OSBPL10: variants seen among roughly 807,000 people sequenced by gnomAD.
The protein encoded by OSBPL10 is oxysterol-binding protein-related protein 10.
OSBPL10 carries 49 observed loss-of-function variants against 81.7 expected under a neutral mutation model. The observed-to-expected ratio is 0.60, with a 90% confidence interval of 0.48 to 0.76. The LOEUF is 0.76. OSBPL10 is among the 30% of genes least tolerant of loss of function. The pLI, the probability that OSBPL10 is intolerant of heterozygous loss-of-function variation, is 0.00. For synonymous variants in OSBPL10, 419 were observed against 383.6 expected (o/e 1.09, Z -1.08); for missense variants, 923 against 987.8 (o/e 0.93, Z 0.88).
At position 32,062,532 on chromosome 3, in the gene OSBPL10, T is replaced by C. The variant is rs1437327699; in HGVS notation, n.185+14864A>G. Reference sequence around the variant, plus strand: ...CACAATCTCTGATGTTTGTTTAATATAAGCTATCTTTACGATTTAGAAAGT... The same window carrying C: ...CACAATCTCTGATGTTTGTTTAATACAAGCTATCTTTACGATTTAGAAAGT... On this transcript the variant is annotated intron_variant and non_coding_transcript_variant, in intron 1 of 3. Transcript: ENST00000479173. 2.1e-5 allele frequency among the ~76,000 whole-genome samples: 2 copies of C among 95,090 alleles called. 1 individual carries two copies. Among genetic ancestry groups the C allele is most frequent in the Non-Finnish European group, 5.7e-5 (2 of 35,242 alleles). 62.4% of individuals were successfully genotyped at this position (95,090 alleles called of 152,430 possible).
intron 4 of OSBPL10, among the ~76,000 whole-genome samples, chr3:31,750,006 C>T (rs1310704875): frequency 1.3e-5 from 2 of 151,736 alleles, no homozygotes; most frequent in Non-Finnish European, 2.9e-5. Context: ...TGTGGTGAAA[C>T]CCCATCTCTA....
chr3:31,750,751 G>A (rs1697687547), intron 4 of OSBPL10, among the ~76,000 whole-genome samples: 2 of 151,992 alleles, frequency 1.3e-5, no homozygotes, highest in East Asian at 3.9e-4. Context: ...TATTATGAAT[G>A]ATGCCATAAT....
intron 1 of OSBPL10, among the ~76,000 whole-genome samples, chr3:31,888,158 A>G (rs369161030): frequency 6.6e-6 from 1 of 152,264 alleles, no homozygotes; most frequent in East Asian, 1.9e-4. Flanking sequence ...TAGAGAACTC[A>G]GAAATTAATT....
At chr3:32,001,321 G>T (rs575697717) in intron 2 of OSBPL10, among the ~76,000 whole-genome samples, 7 of 152,262 alleles carry the variant, frequency 4.6e-5, no homozygotes, top group African/African-American at 1.7e-4. Context: ...AACCCCTACA[G>T]TCTTGCTGAT....
chr3:31,835,359 T>A (rs917442673), intron 3 of OSBPL10, among the ~76,000 whole-genome samples: 13 of 148,538 alleles, frequency 8.8e-5, no homozygotes, highest in African/African-American at 2.9e-4. Context: ...TAAACAAAGT[T>A]CCAAATAGAA....
At chr3:32,025,249 T>C (rs1258726103) in intron 2 of OSBPL10, among the ~76,000 whole-genome samples, 1 of 152,222 alleles carries the variant, frequency 6.6e-6, no homozygotes, top group Non-Finnish European at 1.5e-5. Context: ...GTGAAGATGA[T>C]CATATCAGTT....
rs773211510 is a variant in OSBPL10, at chr3:31,662,043, A to G, written c.*29T>C. 8 of 1,612,790 alleles carry G rather than the reference A, an allele frequency of 5.0e-6. No homozygotes were observed. Among genetic ancestry groups the G allele is most frequent in the East Asian group, 2.2e-5 (1 of 44,840 alleles). On this transcript the variant is annotated 3_prime_UTR_variant, in exon 12 of 12. Transcript: ENST00000396556. Reference sequence around the variant, plus strand: ...TTAATATTCCTACAAAAACAGGGCTATACTGGAAAGCTCTGCACCTCCACC... The same window carrying G: ...TTAATATTCCTACAAAAACAGGGCTGTACTGGAAAGCTCTGCACCTCCACC...
intron 1 of OSBPL10, among the ~76,000 whole-genome samples, chr3:32,055,805 C>T (rs1467008793): frequency 6.6e-6 from 1 of 152,184 alleles, no homozygotes; most frequent in African/African-American, 2.4e-5. Context: ...GGTCCCTAAT[C>T]TGTGGTAAGT....
At chr3:32,073,526 C>T (rs1409180502) in intron 1 of OSBPL10, among the ~76,000 whole-genome samples, 1 of 152,106 alleles carries the variant, frequency 6.6e-6, no homozygotes, top group East Asian at 1.9e-4. Context: ...AAGTACTCTC[C>T]CCTACTTCCC....
intron 2 of OSBPL10, among the ~76,000 whole-genome samples, chr3:31,995,886 A>C (rs1699086460): frequency 6.6e-6 from 1 of 152,178 alleles, no homozygotes; most frequent in African/African-American, 2.4e-5. Flanking sequence ...ATGCAGTGCA[A>C]AGCCGCTGTT....
intron 4 of OSBPL10, among the ~76,000 whole-genome samples, chr3:31,762,491 G>A (rs1052179832): frequency 2.1e-4 from 32 of 151,792 alleles, no homozygotes; most frequent in African/African-American, 7.3e-4. Flanking sequence ...GTTTTGTTTC[G>A]AGACAGGGTC....
At chr3:31,702,008 A>T (rs1278038907) in intron 7 of OSBPL10, among the ~76,000 whole-genome samples, 1 of 152,006 alleles carries the variant, frequency 6.6e-6, no homozygotes, top group Non-Finnish European at 1.5e-5. Flanking sequence ...AGCCATCTCT[A>T]TAGGCCACCT....
rs963994042 is a variant in OSBPL10 at position 31,937,999 on chromosome 3, C to G, written c.281+42900G>C. 3.3e-5 allele frequency among the ~76,000 whole-genome samples: 5 copies of G among 152,130 alleles called. 1 individual carries two copies. Among genetic ancestry groups the G allele is most frequent in the African/African-American group, 7.2e-5 (3 of 41,420 alleles). Reference sequence around the variant, plus strand: ...GTAACCTCCTTCTTGGTGTTACTGTCTTCCTCCCAAAGACCTAGCGTGGCT... The same window carrying G: ...GTAACCTCCTTCTTGGTGTTACTGTGTTCCTCCCAAAGACCTAGCGTGGCT... On this transcript the variant is annotated intron_variant, in intron 1 of 11. Coordinates refer to ENST00000396556, the MANE Select transcript of OSBPL10 (RefSeq NM_017784.5).
intron 1 of OSBPL10, among the ~76,000 whole-genome samples, chr3:31,912,808 G>A (rs1032611588): frequency 6.6e-6 from 1 of 152,136 alleles, no homozygotes; most frequent in Non-Finnish European, 1.5e-5. Flanking sequence ...ATGATGGATG[G>A]AGCTCACAAG....
chr3:31,782,663 A>T (rs1471712776), intron 4 of OSBPL10, among the ~76,000 whole-genome samples: 3 of 152,196 alleles, frequency 2.0e-5, no homozygotes, highest in Non-Finnish European at 4.4e-5. Context: ...AAGAAGATAC[A>T]CAAATGGCCA....
intron 1 of OSBPL10, among the ~76,000 whole-genome samples, chr3:32,051,968 C>A (rs1575092972): frequency 2.0e-5 from 3 of 152,030 alleles, no homozygotes. Context: ...TATTGGTAGG[C>A]CGGGTGCAGT....
chr3:31,750,133 G>A (rs1697666686), intron 4 of OSBPL10, among the ~76,000 whole-genome samples: 1 of 152,000 alleles, frequency 6.6e-6, no homozygotes, highest in South Asian at 2.1e-4. Flanking sequence ...AGTAAGCTGA[G>A]ATCGCGCCAC....
intron 4 of OSBPL10, among the ~76,000 whole-genome samples, chr3:31,771,598 T>C (rs536771154): frequency 4.6e-5 from 7 of 152,254 alleles, no homozygotes; most frequent in African/African-American, 2.4e-5. Flanking sequence ...CAAACCTCCA[T>C]GATTTAGCAG....
chr3:31,811,494 G>T, intron 4 of OSBPL10, among the ~76,000 whole-genome samples: 1 of 152,198 alleles, frequency 6.6e-6, no homozygotes, highest in Admixed American at 6.5e-5. Context: ...TTCTGGCCTG[G>T]AGCCTGTGCC....
Sources: allele counts gnomAD v4.1 joint callset (sites outside exome capture counted in the v4.1 genomes callset), GRCh38; gene constraint gnomAD v4.1.1; transcripts MANE v1.5; gene names NCBI Gene and HGNC (gene_info 2026-07-23, HGNC 2026-07-21).